TRIP10: variants seen among roughly 807,000 people sequenced by gnomAD.
TRIP10 encodes the protein cdc42-interacting protein 4.
Under a neutral mutation model 80.9 loss-of-function variants are expected in TRIP10, and 54 were observed. The ratio of observed to expected loss-of-function variants is 0.67; its 90% confidence interval spans 0.54 to 0.84. The LOEUF is 0.84. Ranked by LOEUF, TRIP10 falls within the 40% of genes least tolerant of loss-of-function variation. The pLI is 0.00. For missense variants in TRIP10, 773 were observed against 815.3 expected, an observed-to-expected ratio of 0.95 and a Z score of 0.63; for synonymous variants, 321 against 307.2, an observed-to-expected ratio of 1.04 and a Z score of -0.47.
rs1969084658 is a variant in TRIP10, at chr19:6,745,347, AG to A, written c.984+354del. 3.0e-6 allele frequency: 1 copy of A among 334,250 alleles called. No individual in the cohort carries two copies. Among genetic ancestry groups the A allele is most frequent in the African/African-American group, 2.2e-5 (1 of 46,298 alleles). 20.7% of individuals were successfully genotyped at this position (334,250 alleles called of 1,614,324 possible). On this transcript the variant is annotated intron_variant, in intron 9 of 14. Transcript: ENST00000313244. This position sits in a 1 kb window ranked among gnomAD's most constrained non-coding sequence, Gnocchi z 7.2. Reference sequence around the variant, plus strand: ...TCCATCCTGCTGATGGGACTCTGGGAGCCGCCCTGCATGTCTTGCTTTCTTG... The same window carrying A: ...TCCATCCTGCTGATGGGACTCTGGGACCGCCCTGCATGTCTTGCTTTCTTG...
In TRIP10 at chr19:6,746,088, AC is replaced by A. The variant is rs932889559; in HGVS notation, c.1049del (p.Pro350ArgfsTer13). 5.2e-6 allele frequency: 7 copies of A among 1,354,212 alleles called. No individual in the cohort carries two copies. Among genetic ancestry groups the A allele is most frequent in the African/African-American group, 1.6e-5 (1 of 61,642 alleles). 83.9% of individuals were successfully genotyped at this position (1,354,212 alleles called of 1,614,324 possible). Reference protein sequence around the residue: ...GPVPSALPNGPPSPRSGRDPL... With the variant: ...GPVPSALPNGXPSPRSGRDPL... ...CCGTACCCTCGGCATTGCCTAACGG[AC>A]CCCCGTCCCCCCGCTCCGGCCGTGA... is the stretch of plus-strand genomic sequence containing the variant. On this transcript the variant is annotated frameshift_variant, in exon 10 of 15. Transcript: ENST00000313244. LOFTEE classifies it high-confidence loss of function. This position sits in a 1 kb window ranked among gnomAD's most constrained non-coding sequence, Gnocchi z 6.2.
At chr19:6,742,399 T>G (rs1182202443) in intron 3 of TRIP10, among the ~76,000 whole-genome samples, 1 of 151,528 alleles carries the variant, frequency 6.6e-6, no homozygotes, top group African/African-American at 2.4e-5. Context: ...CCAAAACAAA[T>G]AGATACGGTG....
chr19:6,746,060 G>A lies in TRIP10; in HGVS notation c.1016G>A (p.Gly339Asp), dbSNP rs1437932052. 8.8e-6 allele frequency: 13 copies of A among 1,470,494 alleles called. No homozygotes were observed. The highest frequency in any genetic ancestry group is 9.9e-6 in the Non-Finnish European group (11 of 1,107,464). 91.1% of individuals were successfully genotyped at this position (1,470,494 alleles called of 1,614,324 possible). Residue 339 changes from glycine to aspartate, a missense_variant, in exon 10 of 15, where the codon GGC (glycine) becomes GAC (aspartate). Coordinates refer to ENST00000313244, the MANE Select transcript of TRIP10 (RefSeq NM_001288962.2). The surrounding 1 kb of genome is among the most constrained non-coding windows in gnomAD (Gnocchi z 6.2). ...PRPPPLSPLG[G>D]PVPSALPNGP... ...CCCCCACCCCTCTCCCCCCTGGGGG[G>A]CCCCGTACCCTCGGCATTGCCTAAC...
chr19:6,743,349 T>C, intron 5 of TRIP10, 93 bp downstream of exon 5: 1 of 1,555,082 alleles, frequency 6.4e-7, no homozygotes, highest in Non-Finnish European at 8.8e-7. Flanking sequence ...TTGTCAGACC[T>C]GGACCTTCCC....
At chr19:6,747,985 C>G (rs1311391294) in intron 11 of TRIP10, among the ~76,000 whole-genome samples, 1 of 88,858 alleles carries the variant, frequency 1.1e-5, no homozygotes, top group African/African-American at 9.6e-5. Flanking sequence ...TTTTTAAAAA[C>G]TAAAAAAAAA....
In TRIP10 at chr19:6,751,195, G is replaced by A. The variant is rs139028261; in HGVS notation, c.1790G>A (p.Arg597Gln). 79 of 1,613,920 alleles carry A rather than the reference G, an allele frequency of 4.9e-5. No individual in the cohort carries two copies. In the African/African-American group the frequency reaches 7.6e-4, roughly 16 times the overall value. The change falls in exon 15 of 15, where the codon CGA (arginine) becomes CAA (glutamine). Residue 597 changes from arginine to glutamine, a missense_variant. Coordinates refer to ENST00000313244, the MANE Select transcript of TRIP10 (RefSeq NM_001288962.2). ...GEGYVPTSYL[R>Q]VTLN ...GGCTACGTGCCCACCTCCTACCTCC[G>A]AGTCACGCTCAATTGAACCCTGCCA...
rs780614231 is a variant in TRIP10, at chr19:6,746,111, G to A, written c.1067G>A (p.Arg356His). The A allele has an allele frequency of 3.8e-5, 57 of 1,502,746 alleles. No homozygotes were observed. Among genetic ancestry groups the A allele is most frequent in the South Asian group, 8.5e-5 (7 of 82,382 alleles). 93.1% of individuals were successfully genotyped at this position (1,502,746 alleles called of 1,614,324 possible). The stretch of plus-strand genomic sequence containing the variant: ...GGACCCCCGTCCCCCCGCTCCGGCC[G>A]TGACCCCTTGGCCATACTGAGCGAG... ...PNGPPSPRSG[R>H]DPLAILSEIS... The change falls in exon 10 of 15, where the codon CGT (arginine) becomes CAT (histidine). Residue 356 changes from arginine (R) to histidine (H), a missense_variant. By Grantham distance (29) the Arg-to-His change is conservative (BLOSUM62 0). Transcript: ENST00000313244. This position sits in a 1 kb window ranked among gnomAD's most constrained non-coding sequence, Gnocchi z 6.2.
Position 6,744,818 on chromosome 19 carries a change from G to C in TRIP10, c.808G>C (p.Glu270Gln), listed in dbSNP as rs760185353. 1 of 1,614,016 alleles carries C rather than the reference G, an allele frequency of 6.2e-7. No individual in the cohort carries two copies. Among genetic ancestry groups the C allele is most frequent in the South Asian group, 1.1e-5 (1 of 91,066 alleles). ...CCCCCAGGACTCCCACGTCCTTATAGAGCTGCACAAGTCAGGTTTTGCCCG... is the reference window on the plus strand; with the variant it reads ...CCCCCAGGACTCCCACGTCCTTATACAGCTGCACAAGTCAGGTTTTGCCCG... The part of the protein sequence containing the change: ...DPKNDSHVLI[E>Q]LHKSGFARPG... The change falls in exon 9 of 15, where the codon GAG (glutamate) becomes CAG (glutamine). Residue 270 changes from glutamate (E) to glutamine (Q), a missense_variant. Physicochemically the swap from Glu to Gln is conservative, Grantham distance 29. Coordinates refer to ENST00000313244, the MANE Select transcript of TRIP10 (RefSeq NM_001288962.2). The surrounding 1 kb of genome is among the most constrained non-coding windows in gnomAD (Gnocchi z 4.9).
intron 11 of TRIP10, among the ~76,000 whole-genome samples, chr19:6,747,153 A>G (rs1237003686): frequency 1.3e-5 from 2 of 152,064 alleles, no homozygotes; most frequent in African/African-American, 4.8e-5. Context: ...GTGAGACCCC[A>G]TTTCTAGCAA....
chr19:6,749,998 T>C lies in TRIP10; in HGVS notation c.1327T>C (p.Leu443=), dbSNP rs1462568281. ...KTPQMGDPAS[L]EPQIAETLSN... ...ACCTCAGATGGGGGACCCCGCCAGCTTGGAGCCCCAGATCGCTGAAACCCT... is the reference window on the plus strand; with the variant it reads ...ACCTCAGATGGGGGACCCCGCCAGCCTGGAGCCCCAGATCGCTGAAACCCT... Residue 443 remains leucine (L), a synonymous_variant, in exon 12 of 15, where the codon TTG becomes CTG. Coordinates refer to ENST00000313244, the MANE Select transcript of TRIP10 (RefSeq NM_001288962.2). 2 of 1,613,870 alleles carry C rather than the reference T, an allele frequency of 1.2e-6. No homozygotes were observed. Among genetic ancestry groups the C allele is most frequent in the South Asian group, 2.2e-5 (2 of 91,064 alleles).
Position 6,744,635 on chromosome 19 carries a change from G to A in TRIP10, c.724G>A (p.Val242Met), listed in dbSNP as rs375765143. 18 of 1,613,530 alleles carry A rather than the reference G, an allele frequency of 1.1e-5. No individual in the cohort carries two copies. In the African/African-American group the frequency reaches 2.4e-4, roughly 22 times the overall value. The change falls in exon 8 of 15, where the codon GTG becomes ATG. Residue 242 changes from valine (V) to methionine (M), a missense_variant. Physicochemically the swap from Val to Met is conservative, Grantham distance 21 (BLOSUM62 1). Transcript: ENST00000313244. The surrounding 1 kb of genome is among the most constrained non-coding windows in gnomAD (Gnocchi z 4.9). ...CCTGTCGGAGGCCGAGCTGGAGGTG[G>A]TGCCCATAATAGCCAAGTGCTTGGA... is the stretch of plus-strand genomic sequence containing the variant. ...GLLSEAELEVVPIIAKCLEGM... is the reference protein window; with the variant it reads ...GLLSEAELEVMPIIAKCLEGM...
Position 6,746,046 on chromosome 19 carries a change from C to T in TRIP10, c.1002C>T (p.Leu334=). The T allele has an allele frequency of 5.4e-6, 7 of 1,294,276 alleles. No homozygotes were observed. The highest frequency in any genetic ancestry group is 7.2e-6 in the Non-Finnish European group (7 of 974,298). 80.2% of individuals were successfully genotyped at this position (1,294,276 alleles called of 1,614,324 possible). Residue 334 remains leucine, a synonymous_variant, in exon 10 of 15, where the codon CTC becomes CTT. Transcript: ENST00000313244. The surrounding 1 kb of genome is among the most constrained non-coding windows in gnomAD (Gnocchi z 6.2). ...GCCGGTAGCCTCGCCCCCCACCCCT[C>T]TCCCCCCTGGGGGGCCCCGTACCCT... ...GKKNKPRPPP[L]SPLGGPVPSA...
chr19:6,749,870 A>C (rs770279288), intron 11 of TRIP10, 64 bp from the exon 12 acceptor site: 49 of 1,575,420 alleles, frequency 3.1e-5, no homozygotes, highest in Non-Finnish European at 4.0e-5. Flanking sequence ...AAAACAAAAC[A>C]ACAGCAACAA....
In TRIP10 at chr19:6,744,359, T is replaced by G. The variant is rs899432358; in HGVS notation, c.643-195T>G. ...CTGACCCCCTAGGCACGCGTCCCCCTCTGAGATCCCCCTGGCCCTGTGTCT... is the reference window on the plus strand; with the variant it reads ...CTGACCCCCTAGGCACGCGTCCCCCGCTGAGATCCCCCTGGCCCTGTGTCT... On this transcript the variant is annotated intron_variant, in intron 7 of 14. Transcript: ENST00000313244. The surrounding 1 kb of genome is among the most constrained non-coding windows in gnomAD (Gnocchi z 4.9). Among the ~76,000 whole-genome samples the G allele has an allele frequency of 2.6e-5, 4 of 152,138 alleles. No individual in the cohort carries two copies. Among genetic ancestry groups the G allele is most frequent in the Non-Finnish European group, 5.9e-5 (4 of 68,014 alleles).
Position 6,744,969 on chromosome 19 carries a change from G to A in TRIP10, c.959G>A (p.Arg320His), listed in dbSNP as rs375269162. The change falls in exon 9 of 15, where the codon CGC (arginine) becomes CAC (histidine). Residue 320 changes from arginine (R) to histidine (H), a missense_variant. Physicochemically the swap from Arg to His is conservative, Grantham distance 29. Transcript: ENST00000313244. The surrounding 1 kb of genome is among the most constrained non-coding windows in gnomAD (Gnocchi z 4.9). ...LRGPGRSRTK[R>H]WPFGKKNKPR... ...GGCCCGGGTCGCAGCCGCACCAAGC[G>A]CTGGCCTTTTGGCAAGAAGAACAAG... is the stretch of plus-strand genomic sequence containing the variant. 9.9e-6 allele frequency: 16 copies of A among 1,613,594 alleles called. No individual in the cohort carries two copies. The highest frequency in any genetic ancestry group is 3.3e-5 in the Admixed American group (2 of 59,962).
chr19:6,742,965 A>C lies in TRIP10; in HGVS notation c.198-2A>C. ...TGTTCCCCGATTCTCATCCAACCCC[A>C]GATTCAGCCAGCAACAGTCCTTCGT... On this transcript the variant is annotated splice_acceptor_variant, in intron 3 of 14. Transcript: ENST00000313244. LOFTEE classifies it high-confidence loss of function. The C allele has an allele frequency of 6.2e-7, 1 of 1,613,970 alleles. No homozygotes were observed. The highest frequency in any genetic ancestry group is 8.5e-7 in the Non-Finnish European group (1 of 1,179,976).
intron 12 of TRIP10, 21 bp from the exon 13 acceptor site, chr19:6,750,271 T>G (rs1300475992): frequency 1.2e-6 from 2 of 1,613,250 alleles, no homozygotes; most frequent in Non-Finnish European, 1.7e-6. Flanking sequence ...CTGGAACGAT[T>G]TTCCTGTCCC....
chr19:6,742,960 A>G lies in TRIP10; in HGVS notation c.198-7A>G. 1 of 1,613,702 alleles carries G rather than the reference A, an allele frequency of 6.2e-7. No individual in the cohort carries two copies. ...CTCCCTGTTCCCCGATTCTCATCCA[A>G]CCCCAGATTCAGCCAGCAACAGTCC... is the stretch of plus-strand genomic sequence containing the variant. On this transcript the variant is annotated splice_region_variant and splice_polypyrimidine_tract_variant and intron_variant, in intron 3 of 14. Coordinates refer to ENST00000313244, the MANE Select transcript of TRIP10 (RefSeq NM_001288962.2).
chr19:6,750,528 T>G lies in TRIP10; in HGVS notation c.1552T>G (p.Ser518Ala). ...CCCAAACAGCTCTGAAGAGCCTCCC[T>G]CAGAAGAGAGCCAGGACACCCCCAT... ...DTKESSEEPP[S>A]EESQDTPIYT... is the part of the protein sequence containing the mutation. The change falls in exon 14 of 15, where the codon TCA becomes GCA. Residue 518 changes from serine to alanine, a missense_variant. By Grantham distance (99) the Ser-to-Ala change is moderately conservative. Coordinates refer to ENST00000313244, the MANE Select transcript of TRIP10 (RefSeq NM_001288962.2). The G allele has an allele frequency of 6.2e-7, 1 of 1,614,138 alleles. No individual in the cohort carries two copies. Among genetic ancestry groups the G allele is most frequent in the Non-Finnish European group, 8.5e-7 (1 of 1,180,022 alleles).
Sources: gnomAD v4.1 joint callset for allele counts (sites outside exome capture counted in the v4.1 genomes callset) on GRCh38, gnomAD v4.1.1 for gene constraint, Gnocchi (gnomAD v3.1) non-coding constraint, MANE v1.5 for transcripts, NCBI Gene and HGNC (gene_info 2026-07-23, HGNC 2026-07-21) for gene names.